The following STAU1 variants were observed in gnomAD, a reference collection of about 807,000 sequenced individuals.
The protein encoded by STAU1 is staufen double-stranded RNA binding protein 1, also known as double-stranded RNA-binding protein Staufen homolog 1.
In STAU1, 13 loss-of-function variants were observed where a neutral mutation model predicts 62.9. The observed-to-expected ratio is 0.21, with a 90% CI of 0.13 to 0.33. The LOEUF is 0.33. Among genes scored for constraint, STAU1 ranks in the 10% least tolerant of loss-of-function variants. The pLI, the probability that STAU1 is intolerant of heterozygous loss-of-function variation, is 1.00. For synonymous variants in STAU1, 269 were observed against 265.1 expected, an observed-to-expected ratio of 1.01 and a Z score of -0.14; for missense variants, 571 against 712.1, an observed-to-expected ratio of 0.80 and a Z score of 2.25.
upstream of STAU1, among the ~76,000 whole-genome samples, chr20:49,188,695 T>C (rs2093821789): frequency 6.6e-6 from 1 of 152,202 alleles, no homozygotes; most frequent in South Asian, 2.1e-4. Context: ...CGCTTCTTCC[T>C]CTTGTCCTGC....
At chr20:49,127,173 T>G (rs1485292864) in intron 6 of STAU1, among the ~76,000 whole-genome samples, 2 of 150,808 alleles carry the variant, frequency 1.3e-5, no homozygotes, top group Non-Finnish European at 2.9e-5. Flanking sequence ...GCCAACATAG[T>G]GAAACCCCGT....
intron 3 of STAU1, chr20:49,159,227 G>T: frequency 1.1e-6 from 1 of 895,736 alleles, no homozygotes; most frequent in Non-Finnish European, 1.4e-6. Context: ...GGTGCTACCT[G>T]CCACTCTGCT....
At chr20:49,121,320 A>C (rs942812716) in intron 8 of STAU1, among the ~76,000 whole-genome samples, 1 of 152,142 alleles carries the variant, frequency 6.6e-6, no homozygotes, top group African/African-American at 2.4e-5. Context: ...AGGCAGGAGA[A>C]TCACTTGAAC....
chr20:49,209,472 T>G, the STAU1 span, among the ~76,000 whole-genome samples: 2 of 143,896 alleles, frequency 1.4e-5, no homozygotes, highest in Admixed American at 7.1e-5. Context: ...AGGCCAGACA[T>G]GGTGCCTCCC....
Position 49,114,583 on chromosome 20 carries a change from T to TC in STAU1, c.*294_*295insG. Reference sequence around the variant, plus strand: ...CACGGAGGTGCCCAGGGTGTGGATCTGCTGGTGTCCCGGGAGAACCAGCTG... The same window carrying TC: ...CACGGAGGTGCCCAGGGTGTGGATCTCGCTGGTGTCCCGGGAGAACCAGCTG... On this transcript the variant is annotated 3_prime_UTR_variant, in exon 14 of 14. Coordinates refer to ENST00000371856, the MANE Select transcript of STAU1 (RefSeq NM_017453.4). 1 of 427,884 alleles carries TC rather than the reference T, an allele frequency of 2.3e-6. No individual in the cohort carries two copies. The highest frequency in any genetic ancestry group is 4.2e-6 in the Non-Finnish European group (1 of 236,844). 26.5% of individuals were successfully genotyped at this position (427,884 alleles called of 1,614,324 possible). A position where few individuals can be genotyped will look rare whatever the true frequency, so the allele number is the denominator to read the frequency against.
intron 1 of STAU1, among the ~76,000 whole-genome samples, chr20:49,176,809 G>C (rs760158987): frequency 6.6e-6 from 1 of 152,012 alleles, no homozygotes; most frequent in African/African-American, 2.4e-5. Flanking sequence ...CCTCACCTGA[G>C]CCAAGAAGTT....
intron 5 of STAU1, among the ~76,000 whole-genome samples, chr20:49,148,367 A>G (rs948196066): frequency 3.3e-5 from 5 of 152,246 alleles, no homozygotes; most frequent in African/African-American, 1.2e-4. Flanking sequence ...TATACGAAAC[A>G]CAAATAAATT....
At chr20:49,131,894 T>C (rs896705240) in intron 6 of STAU1, among the ~76,000 whole-genome samples, 4 of 152,014 alleles carry the variant, frequency 2.6e-5, no homozygotes, top group African/African-American at 9.7e-5. Context: ...TGGTAAAATG[T>C]TAACCACTGG....
At chr20:49,164,945 C>G (rs557548042) in intron 3 of STAU1, among the ~76,000 whole-genome samples, 53 of 152,292 alleles carry the variant, frequency 3.5e-4, no homozygotes, top group African/African-American at 1.2e-3. Context: ...TCTAGTAAAT[C>G]TGGCTGCCCC....
intron 1 of STAU1, among the ~76,000 whole-genome samples, chr20:49,182,911 TATCTAA>T (rs1173825767): frequency 1.1e-4 from 17 of 152,132 alleles, no homozygotes; most frequent in African/African-American, 3.9e-4. Context: ...AAGTAGATGG[TATCTAA>T]AGAGATGTAC....
chr20:49,157,424 C>T (rs1328678292), intron 3 of STAU1, among the ~76,000 whole-genome samples: 1 of 152,052 alleles, frequency 6.6e-6, no homozygotes, highest in African/African-American at 2.4e-5. Context: ...AATAATCCTC[C>T]CACCTCAACC....
chr20:49,188,343 A>C (rs1261996827), upstream of STAU1: 1 of 151,552 alleles, frequency 6.6e-6, no homozygotes, highest in African/African-American at 2.4e-5. Context: ...AGAGCCGCTC[A>C]GGCGCCCGCA....
In STAU1 at chr20:49,120,094, C is replaced by G. The variant is rs761329601; in HGVS notation, c.1001G>C (p.Gly334Ala). 6.2e-7 allele frequency: 1 copy of G among 1,614,114 alleles called. No homozygotes were observed. Among genetic ancestry groups the G allele is most frequent in the Non-Finnish European group, 8.5e-7 (1 of 1,179,972 alleles). The change falls in exon 9 of 14, where the codon GGC (glycine) becomes GCC (alanine). Residue 334 changes from glycine to alanine, a missense_variant. Transcript: ENST00000371856. ...KVGNHTAEGTGTNKKVAKRNA... is the reference protein window; with the variant it reads ...KVGNHTAEGTATNKKVAKRNA... ...GCGCTTGGCCACCTTCTTGTTGGTG[C>G]CCGTTCCTTCTGCAGTGTGGTTTCC...
chr20:49,154,673 G>A (rs747301991), intron 3 of STAU1, among the ~76,000 whole-genome samples: 1 of 152,120 alleles, frequency 6.6e-6, no homozygotes, highest in Non-Finnish European at 1.5e-5. Flanking sequence ...AGACCATCTT[G>A]GCTAACATGG....
At position 49,186,496 on chromosome 20, in the gene STAU1, G is replaced by T. The variant is rs528231319; in HGVS notation, c.-160+1620C>A. ...ATCAAAATAGTTTCAGTTCACTAAGGAAATTTAATGCCTAAAACAATCCTA... is the reference window on the plus strand; with the variant it reads ...ATCAAAATAGTTTCAGTTCACTAAGTAAATTTAATGCCTAAAACAATCCTA... On this transcript the variant is annotated intron_variant, in intron 1 of 13. Transcript: ENST00000371856. Among the ~76,000 whole-genome samples the T allele has an allele frequency of 9.2e-5, 14 of 152,134 alleles. No individual in the cohort carries two copies. In the South Asian group the frequency reaches 2.3e-3, roughly 25 times the overall value.
At position 49,164,978 on chromosome 20, in the gene STAU1, G is replaced by A. The variant is rs369250613; in HGVS notation, c.205+1019C>T. On this transcript the variant is annotated intron_variant, in intron 3 of 13. Coordinates refer to ENST00000371856, the MANE Select transcript of STAU1 (RefSeq NM_017453.4). ...CCCCTTGCTTGGGATAAAATCTTAC[G>A]GACATTCAAAAAGAAGGCTTATGTA... Among the ~76,000 whole-genome samples, 5 of 152,004 alleles carry A rather than the reference G, an allele frequency of 3.3e-5. No individual in the cohort carries two copies. In the East Asian group the frequency reaches 7.7e-4, roughly 23 times the overall value.
At chr20:49,144,770 C>T (rs1377706651) in intron 5 of STAU1, among the ~76,000 whole-genome samples, 1 of 152,216 alleles carries the variant, frequency 6.6e-6, no homozygotes, top group Non-Finnish European at 1.5e-5. Context: ...AAGAAGGTGT[C>T]ATCATGACAA....
At chr20:49,185,130 A>G (rs1489143144) in intron 1 of STAU1, among the ~76,000 whole-genome samples, 3 of 152,226 alleles carry the variant, frequency 2.0e-5, no homozygotes, top group Admixed American at 6.6e-5. Flanking sequence ...TTGGAAAACA[A>G]TTCTATGTTA....
the STAU1 span, among the ~76,000 whole-genome samples, chr20:49,200,539 TGC>T: frequency 5.9e-5 from 9 of 151,444 alleles, no homozygotes; most frequent in Non-Finnish European, 8.8e-5. Context: ...AGGCGGAGCT[TGC>T]AGTGAGCCGA....
Sources: gnomAD v4.1 joint callset for allele counts (sites outside exome capture counted in the v4.1 genomes callset) on GRCh38, gnomAD v4.1.1 for gene constraint, MANE v1.5 for transcripts, NCBI Gene and HGNC (gene_info 2026-07-23, HGNC 2026-07-21) for gene names.